VTI1A: variants seen among roughly 807,000 people sequenced by gnomAD.
The protein encoded by VTI1A is vesicle transport through interaction with t-SNAREs 1A, also known as vesicle transport through interaction with t-SNAREs homolog 1A.
VTI1A carries 22 observed loss-of-function variants against 34.9 expected under a neutral mutation model. The ratio of observed to expected loss-of-function variants is 0.63; its 90% CI spans 0.45 to 0.90. The LOEUF is 0.90. VTI1A is among the 40% of genes least tolerant of loss of function. The pLI is 0.00. For synonymous variants in VTI1A, 87 were observed against 97.3 expected, an observed-to-expected ratio of 0.89 and a Z score of 0.62; for missense variants, 268 against 275.6, an observed-to-expected ratio of 0.97 and a Z score of 0.20.
At chr10:112,565,050 A>G (rs1470423142) in intron 5 of VTI1A, among the ~76,000 whole-genome samples, 1 of 152,152 alleles carries the variant, frequency 6.6e-6, no homozygotes, top group Non-Finnish European at 1.5e-5. Context: ...ATTTGACCAG[A>G]GACCCATAGT....
chr10:112,681,584 A>G (rs758686928), intron 7 of VTI1A, among the ~76,000 whole-genome samples: 24 of 152,242 alleles, frequency 1.6e-4, no homozygotes, highest in Admixed American at 1.0e-3. Context: ...CTAAAATTTT[A>G]AGTAAGGCTT....
chr10:112,698,055 A>C (rs914713734), intron 7 of VTI1A, among the ~76,000 whole-genome samples: 3 of 152,186 alleles, frequency 2.0e-5, no homozygotes, highest in African/African-American at 7.2e-5. Flanking sequence ...CTACAGCAGC[A>C]ATGTGATTCA....
intron 5 of VTI1A, among the ~76,000 whole-genome samples, chr10:112,637,368 G>C (rs1010713244): frequency 6.6e-6 from 1 of 152,158 alleles, no homozygotes; most frequent in African/African-American, 2.4e-5. Context: ...AAAAAATCAT[G>C]ATTAGAACTG....
chr10:112,484,361 T>G (rs949190050), intron 3 of VTI1A, among the ~76,000 whole-genome samples: 1 of 152,264 alleles, frequency 6.6e-6, no homozygotes, highest in South Asian at 2.1e-4. Flanking sequence ...ATCTATTCTA[T>G]ATCTAGTTTA....
At chr10:112,572,371 G>T (rs1046560381) in intron 5 of VTI1A, among the ~76,000 whole-genome samples, 1 of 152,234 alleles carries the variant, frequency 6.6e-6, no homozygotes, top group Admixed American at 6.5e-5. Context: ...TTCTTAAAAA[G>T]GTTTGCTTTT....
chr10:112,629,720 A>T (rs890969173), intron 5 of VTI1A, among the ~76,000 whole-genome samples: 3 of 152,236 alleles, frequency 2.0e-5, no homozygotes, highest in African/African-American at 4.8e-5. Flanking sequence ...AGCAGTATTG[A>T]GCTAAGCTTG....
chr10:112,603,325 A>T (rs1163054520), intron 5 of VTI1A, among the ~76,000 whole-genome samples: 3 of 152,212 alleles, frequency 2.0e-5, no homozygotes, highest in Non-Finnish European at 4.4e-5. Context: ...GTCCCATAGA[A>T]GTCTTTTGAT....
chr10:112,815,134 C>CGT (rs1315897112), intron 7 of VTI1A, among the ~76,000 whole-genome samples, 156 bp from the exon 8 acceptor site: 25 of 95,068 alleles, frequency 2.6e-4, no homozygotes, highest in African/African-American at 1.2e-3. Flanking sequence ...GTCTCTTTCG[C>CGT]GCGCGCACAC....
intron 3 of VTI1A, among the ~76,000 whole-genome samples, chr10:112,526,012 C>A (rs909920042): frequency 1.3e-5 from 2 of 152,102 alleles, no homozygotes; most frequent in Non-Finnish European, 2.9e-5. Flanking sequence ...ACTCTAGACC[C>A]CCAAGTGAGG....
intron 5 of VTI1A, among the ~76,000 whole-genome samples, chr10:112,653,564 A>C (rs963459131): frequency 9.2e-5 from 14 of 152,210 alleles, no homozygotes; most frequent in Non-Finnish European, 2.1e-4. Context: ...TCTGAGCCTC[A>C]GATTCCTTGT....
chr10:112,498,981 C>T (rs1376158106), intron 3 of VTI1A, among the ~76,000 whole-genome samples: 1 of 152,060 alleles, frequency 6.6e-6, no homozygotes, highest in Non-Finnish European at 1.5e-5. Context: ...AGGGTTGGTA[C>T]CATCAATCAT....
chr10:112,594,046 A>T (rs1844512363), intron 5 of VTI1A, among the ~76,000 whole-genome samples: 1 of 152,120 alleles, frequency 6.6e-6, no homozygotes, highest in African/African-American at 2.4e-5. Flanking sequence ...AGCAGCTGGG[A>T]CTACAGGAGC....
rs185736537 is a variant in VTI1A at position 112,809,246 on chromosome 10, G to A, written c.561-6044G>A. Among the ~76,000 whole-genome samples, 641 of 152,334 alleles carry A rather than the reference G, an allele frequency of 4.2e-3. 2 individuals are homozygous for A. The highest frequency in any genetic ancestry group is 0.014 in the African/African-American group (595 of 41,560). On this transcript the variant is annotated intron_variant, in intron 7 of 7. Transcript: ENST00000393077. ...AAAATAACCCTTCCAATTAAAGTGA[G>A]TGTTTGAGGCAGATGACAATTAACT...
At chr10:112,627,989 G>A (rs554569227) in intron 5 of VTI1A, among the ~76,000 whole-genome samples, 3 of 152,240 alleles carry the variant, frequency 2.0e-5, no homozygotes, top group East Asian at 1.9e-4. Context: ...TGAGCCCCGC[G>A]CGTGTGTTGG....
chr10:112,788,240 G>A (rs950116074), intron 7 of VTI1A, among the ~76,000 whole-genome samples: 3 of 152,060 alleles, frequency 2.0e-5, no homozygotes, highest in Admixed American at 6.6e-5. Flanking sequence ...ATTGAGAATA[G>A]GGTGGTGAAA....
intron 3 of VTI1A, among the ~76,000 whole-genome samples, chr10:112,524,301 G>T (rs1850139374): frequency 6.6e-6 from 1 of 152,046 alleles, no homozygotes; most frequent in Non-Finnish European, 1.5e-5. Context: ...TTTGGAAAAT[G>T]AAACTCACAT....
At chr10:112,471,094 G>T (rs1848059651) in intron 3 of VTI1A, among the ~76,000 whole-genome samples, 1 of 152,044 alleles carries the variant, frequency 6.6e-6, no homozygotes, top group Admixed American at 6.5e-5. Context: ...TGTGTTTGTA[G>T]CCCTTCTGAA....
intron 5 of VTI1A, among the ~76,000 whole-genome samples, chr10:112,635,349 T>C (rs1258177339): frequency 6.6e-6 from 1 of 152,166 alleles, no homozygotes; most frequent in East Asian, 1.9e-4. Flanking sequence ...TCAGCAGGAT[T>C]GTACGGATTG....
At chr10:112,500,594 A>G (rs1849198563) in intron 3 of VTI1A, among the ~76,000 whole-genome samples, 2 of 152,132 alleles carry the variant, frequency 1.3e-5, no homozygotes, top group Admixed American at 1.3e-4. Context: ...TTCCACTGGG[A>G]GGAACATATT....
Sources: gnomAD v4.1 joint callset for allele counts (sites outside exome capture counted in the v4.1 genomes callset) on GRCh38, gnomAD v4.1.1 for gene constraint, MANE v1.5 for transcripts, NCBI Gene and HGNC (gene_info 2026-07-23, HGNC 2026-07-21) for gene names.